Variants in SEPTIN9 observed in about 807,000 individuals in gnomAD.
SEPTIN9 encodes septin 9, also known as septin-9.
In SEPTIN9, 13 loss-of-function variants were observed where a neutral mutation model predicts 56.6. That is an observed-to-expected ratio of 0.23 (90% CI 0.15 to 0.37). SEPTIN9 has a LOEUF of 0.37. Ranked by LOEUF, SEPTIN9 falls within the 10% of genes least tolerant of loss-of-function variation. The pLI, the probability that SEPTIN9 is intolerant of heterozygous loss-of-function variation, is 1.00. For synonymous variants in SEPTIN9, 332 were observed against 334.1 expected (o/e 0.99, Z 0.07); for missense variants, 650 against 823.1 (o/e 0.79, Z 2.57).
intron 2 of SEPTIN9, among the ~76,000 whole-genome samples, chr17:77,384,235 A>G (rs1184906660): frequency 6.6e-6 from 1 of 152,060 alleles, no homozygotes; most frequent in Non-Finnish European, 1.5e-5. Context: ...TGGATTTCCG[A>G]GGCCCTGACT....
At chr17:77,498,147 C>G (rs1598482794) in intron 11 of SEPTIN9, among the ~76,000 whole-genome samples, 1 of 151,910 alleles carries the variant, frequency 6.6e-6, no homozygotes. Flanking sequence ...CCCACTGCTT[C>G]CACCCTGCCA....
chr17:77,417,356 C>T (rs2036541780), intron 3 of SEPTIN9, among the ~76,000 whole-genome samples: 1 of 152,230 alleles, frequency 6.6e-6, no homozygotes, highest in Middle Eastern at 3.4e-3. Context: ...AAGAGGAGGC[C>T]ACAGGTGCAA....
In SEPTIN9 at chr17:77,369,277, A is replaced by G. The variant is rs7210868; in HGVS notation, c.77-32782A>G. On this transcript the variant is annotated intron_variant, in intron 2 of 11. Transcript: ENST00000427177. This position sits in a 1 kb window ranked among gnomAD's most constrained non-coding sequence, Gnocchi z 4.9. ...GAAATTGGCCAAGGCAGGAATATTG[A>G]CACCACAGGAATAGGCAAGCGCTAC... Among the ~76,000 whole-genome samples the G allele has an allele frequency of 4.5e-3, 678 of 152,256 alleles. 3 individuals are homozygous for G. Among genetic ancestry groups the G allele is most frequent in the African/African-American group, 0.016 (654 of 41,544 alleles).
intron 3 of SEPTIN9, among the ~76,000 whole-genome samples, chr17:77,479,745 C>T (rs1255263600): frequency 1.3e-5 from 2 of 150,798 alleles, no homozygotes; most frequent in African/African-American, 2.4e-5. Flanking sequence ...CGCCTCCCCC[C>T]AGGTCCTGCT....
chr17:77,347,103 C>T (rs561887358), intron 2 of SEPTIN9, among the ~76,000 whole-genome samples: 2 of 152,032 alleles, frequency 1.3e-5, no homozygotes, highest in African/African-American at 4.8e-5. Context: ...TGCATCCAGG[C>T]GCAGTGGCTC....
At chr17:77,404,694 C>T (rs1006454045) in intron 3 of SEPTIN9, among the ~76,000 whole-genome samples, 5 of 152,058 alleles carry the variant, frequency 3.3e-5, no homozygotes, top group South Asian at 2.1e-4. Context: ...TTTGTCTTGG[C>T]GGGTCTGGGG....
Position 77,425,219 on chromosome 17 carries a change from A to T in SEPTIN9, c.721+22516A>T, listed in dbSNP as rs1199700711. Reference sequence around the variant, plus strand: ...CTGTGGGAGGTCGTGCGGGCTGGGGACTGAGAGTGCCGGAGGAGGGCCTCC... The same window carrying T: ...CTGTGGGAGGTCGTGCGGGCTGGGGTCTGAGAGTGCCGGAGGAGGGCCTCC... On this transcript the variant is annotated intron_variant, in intron 3 of 11. Coordinates refer to ENST00000427177, the MANE Select transcript of SEPTIN9 (RefSeq NM_001113491.2). This position sits in a 1 kb window ranked among gnomAD's most constrained non-coding sequence, Gnocchi z 4.2. 6.6e-6 allele frequency among the ~76,000 whole-genome samples: 1 copy of T among 151,948 alleles called. No homozygotes were observed. Among genetic ancestry groups the T allele is most frequent in the African/African-American group, 2.4e-5 (1 of 41,346 alleles).
chr17:77,328,594 GACC>G (rs553783979), intron 2 of SEPTIN9, among the ~76,000 whole-genome samples: 1,746 of 152,270 alleles, frequency 0.011, 13 homozygotes, highest in Non-Finnish European at 0.019. Flanking sequence ...CCGATCTCCT[GACC>G]TCAAGTGATC....
At position 77,371,177 on chromosome 17, in the gene SEPTIN9, G is replaced by A. The variant is rs1484391674; in HGVS notation, c.77-30882G>A. Among the ~76,000 whole-genome samples, 1 of 152,194 alleles carries A rather than the reference G, an allele frequency of 6.6e-6. No homozygotes were observed. The highest frequency in any genetic ancestry group is 2.4e-5 in the African/African-American group (1 of 41,452). On this transcript the variant is annotated intron_variant, in intron 2 of 11. Transcript: ENST00000427177. This position sits in a 1 kb window ranked among gnomAD's most constrained non-coding sequence, Gnocchi z 4.1. ...GGAGGTTTCTAGGCCTGGTCATGTG[G>A]CTCTGAGTGATTACATTGAAGGGGC...
Position 77,467,702 on chromosome 17 carries a change from G to A in SEPTIN9, c.722-14442G>A, listed in dbSNP as rs1010337365. Reference sequence around the variant, plus strand: ...TCTCATTCACAGGCGGCCACACACCGAAGCCGCGGAGACGCCGTGGGAAAG... The same window carrying A: ...TCTCATTCACAGGCGGCCACACACCAAAGCCGCGGAGACGCCGTGGGAAAG... On this transcript the variant is annotated intron_variant, in intron 3 of 11. Coordinates refer to ENST00000427177, the MANE Select transcript of SEPTIN9 (RefSeq NM_001113491.2). Among the ~76,000 whole-genome samples, 9 of 152,202 alleles carry A rather than the reference G, an allele frequency of 5.9e-5. 1 individual carries two copies. Among genetic ancestry groups the A allele is most frequent in the African/African-American group, 1.7e-4 (7 of 41,444 alleles).
intron 2 of SEPTIN9, among the ~76,000 whole-genome samples, chr17:77,380,760 G>C (rs1262143015): frequency 2.6e-5 from 4 of 152,194 alleles, no homozygotes; most frequent in African/African-American, 9.6e-5. Flanking sequence ...ACAGTTGGAG[G>C]GGGGCAGTTA....
chr17:77,288,766 T>C (rs1272162393), intron 1 of SEPTIN9, among the ~76,000 whole-genome samples: 2 of 152,216 alleles, frequency 1.3e-5, no homozygotes, highest in Non-Finnish European at 2.9e-5. Context: ...CAGGGAACTT[T>C]AGCTCTGTAG....
chr17:77,303,135 C>T (rs754783734), intron 1 of SEPTIN9, among the ~76,000 whole-genome samples: 6 of 151,914 alleles, frequency 3.9e-5, no homozygotes, highest in African/African-American at 1.5e-4. Flanking sequence ...GAGTCTTGCT[C>T]TGTCGCCCAG....
chr17:77,458,411 G>C (rs1207885312), intron 3 of SEPTIN9, among the ~76,000 whole-genome samples: 1 of 152,230 alleles, frequency 6.6e-6, no homozygotes, highest in Non-Finnish European at 1.5e-5. Flanking sequence ...CTGGCTCCAG[G>C]CTCTAAAACC....
At chr17:77,393,852 T>G (rs2035621114) in intron 2 of SEPTIN9, among the ~76,000 whole-genome samples, 1 of 152,010 alleles carries the variant, frequency 6.6e-6, no homozygotes. Context: ...TCCCAAAGTG[T>G]TAGGATTACA....
intron 2 of SEPTIN9, among the ~76,000 whole-genome samples, chr17:77,362,442 G>A (rs2143857329): frequency 6.6e-6 from 1 of 152,384 alleles, no homozygotes; most frequent in African/African-American, 2.4e-5. Context: ...GGCAAGGGAG[G>A]TCTGCTGCCG....
intron 2 of SEPTIN9, among the ~76,000 whole-genome samples, chr17:77,344,342 C>T (rs938012070): frequency 6.6e-6 from 1 of 152,140 alleles, no homozygotes; most frequent in African/African-American, 2.4e-5. Flanking sequence ...GGCTGTTAGC[C>T]AAAACATGGA....
chr17:77,369,117 C>T lies in SEPTIN9; in HGVS notation c.77-32942C>T, dbSNP rs550580327. On this transcript the variant is annotated intron_variant, in intron 2 of 11. Transcript: ENST00000427177. The surrounding 1 kb of genome is among the most constrained non-coding windows in gnomAD (Gnocchi z 4.9). ...GGAGTGGTGGCGGGTGCCTGTAATC[C>T]GAGCTACTTGGGAGGCTGAGGCAGG... 1.4e-4 allele frequency among the ~76,000 whole-genome samples: 22 copies of T among 152,200 alleles called. No individual in the cohort carries two copies. In the East Asian group the frequency reaches 3.3e-3, roughly 23 times the overall value.
chr17:77,395,162 C>T (rs114266334), intron 2 of SEPTIN9, among the ~76,000 whole-genome samples: 2,424 of 152,128 alleles, frequency 0.016, 65 homozygotes, highest in African/African-American at 0.055. Context: ...GATCCTCTAG[C>T]CTCAGGTTCC....
Sources: gnomAD v4.1 joint callset for allele counts (sites outside exome capture counted in the v4.1 genomes callset) on GRCh38, gnomAD v4.1.1 for gene constraint, Gnocchi (gnomAD v3.1) non-coding constraint, MANE v1.5 for transcripts, NCBI Gene and HGNC (gene_info 2026-07-23, HGNC 2026-07-21) for gene names.